The following ZDHHC21 variants were observed in gnomAD, a reference collection of about 807,000 sequenced individuals.
ZDHHC21 encodes the protein zDHHC palmitoyltransferase 21, also known as palmitoyltransferase ZDHHC21.
In ZDHHC21, 15 loss-of-function variants were observed where a neutral mutation model predicts 34.6. That is an observed-to-expected ratio of 0.43 (90% CI 0.29 to 0.67). The LOEUF is 0.67. ZDHHC21 is among the 30% of genes least tolerant of loss of function. The pLI, the probability that ZDHHC21 is intolerant of heterozygous loss-of-function variation, is 0.14. For missense variants in ZDHHC21, 344 were observed against 327.7 expected, an observed-to-expected ratio of 1.05 and a Z score of -0.38; for synonymous variants, 142 against 101.8, an observed-to-expected ratio of 1.40 and a Z score of -2.38.
rs936436345 is a variant in ZDHHC21, at chr9:14,674,995, T to G, written c.-45-610A>C. On this transcript the variant is annotated intron_variant, in intron 3 of 9. Coordinates refer to ENST00000380916, the MANE Select transcript of ZDHHC21 (RefSeq NM_178566.6). The stretch of plus-strand genomic sequence containing the variant: ...ACTCTAGTTTAATTTTAAACTACAA[T>G]AAAACATTTTTTAAGTATTTTGAAA... 3.3e-5 allele frequency among the ~76,000 whole-genome samples: 5 copies of G among 151,978 alleles called. No homozygotes were observed. The East Asian group carries it at 9.6e-4, about 29-fold the overall frequency.
At chr9:14,593,485 T>A in the ZDHHC21 span, 1 of 152,222 alleles carries the variant, frequency 6.6e-6, no homozygotes, top group Non-Finnish European at 1.5e-5. Flanking sequence ...CTCCACCCTG[T>A]GCTGGCCAGA....
chr9:14,690,071 T>C (rs1219619579), intron 2 of ZDHHC21, among the ~76,000 whole-genome samples: 16 of 152,150 alleles, frequency 1.1e-4, no homozygotes, highest in African/African-American at 2.4e-5. Context: ...AAGGTAACTT[T>C]TGTTCCAAAA....
At chr9:14,670,754 A>G (rs1336512350) in intron 5 of ZDHHC21, among the ~76,000 whole-genome samples, 1 of 152,132 alleles carries the variant, frequency 6.6e-6, no homozygotes, top group Non-Finnish European at 1.5e-5. Flanking sequence ...GAACACATAC[A>G]TATCTATATG....
At chr9:14,591,182 A>G in the ZDHHC21 span, among the ~76,000 whole-genome samples, 1 of 152,188 alleles carries the variant, frequency 6.6e-6, no homozygotes, top group Admixed American at 6.5e-5. Flanking sequence ...GGAAAAGGGA[A>G]CAAAGAACAG....
Position 14,613,806 on chromosome 9 carries a change from A to C in ZDHHC21, c.*5160T>G, listed in dbSNP as rs186438782. The stretch of plus-strand genomic sequence containing the variant: ...CTCAGTATCTTTTCTTTGCAATAAG[A>C]GATTTCCAGAAAAGGTGCCAGTTTT... On this transcript the variant is annotated 3_prime_UTR_variant, in exon 10 of 10. Transcript: ENST00000380916. 6.6e-6 allele frequency: 1 copy of C among 151,894 alleles called. No homozygotes were observed. The highest frequency in any genetic ancestry group is 1.9e-4 in the East Asian group (1 of 5,180). The allele number at this position is 151,894 out of a possible 1,614,324, so 9.4% of individuals were successfully genotyped here.
chr9:14,652,759 T>C (rs1831447365), intron 7 of ZDHHC21, among the ~76,000 whole-genome samples: 1 of 151,970 alleles, frequency 6.6e-6, no homozygotes. Flanking sequence ...TGAATACAGG[T>C]TAAGTGCCAT....
At position 14,613,900 on chromosome 9, in the gene ZDHHC21, A is replaced by G. The variant is rs1283714682; in HGVS notation, c.*5066T>C. 6.6e-6 allele frequency: 1 copy of G among 151,748 alleles called. No individual in the cohort carries two copies. Among genetic ancestry groups the G allele is most frequent in the East Asian group, 1.9e-4 (1 of 5,188 alleles). The allele number at this position is 151,748 out of a possible 1,614,324, so 9.4% of individuals were successfully genotyped here. On this transcript the variant is annotated 3_prime_UTR_variant, in exon 10 of 10. Transcript: ENST00000380916. The stretch of plus-strand genomic sequence containing the variant: ...AGCTGAGTTTTCCACATTATTTTTA[A>G]CACTTCACATGATCATACTCTACAC...
chr9:14,599,635 C>A, the ZDHHC21 span, among the ~76,000 whole-genome samples: 1 of 151,886 alleles, frequency 6.6e-6, no homozygotes, highest in South Asian at 2.1e-4. Context: ...GGGGCTGAAG[C>A]CAGGGTGCCA....
chr9:14,683,187 A>C (rs1201783679), intron 2 of ZDHHC21, among the ~76,000 whole-genome samples: 1 of 152,094 alleles, frequency 6.6e-6, no homozygotes, highest in Non-Finnish European at 1.5e-5. Context: ...ACTAAGATCA[A>C]AGCAGAACTG....
At chr9:14,643,851 C>G (rs1478318639) in intron 7 of ZDHHC21, among the ~76,000 whole-genome samples, 1 of 152,136 alleles carries the variant, frequency 6.6e-6, no homozygotes. Flanking sequence ...TACTCTTGTT[C>G]CCTTGGTTTG....
chr9:14,630,305 A>G (rs1280054997), intron 8 of ZDHHC21, among the ~76,000 whole-genome samples: 2 of 152,138 alleles, frequency 1.3e-5, no homozygotes, highest in Non-Finnish European at 2.9e-5. Flanking sequence ...ATCTCAAAAC[A>G]CCACTTTTTG....
At chr9:14,669,999 T>C (rs1345460069) in intron 5 of ZDHHC21, among the ~76,000 whole-genome samples, 1 of 148,660 alleles carries the variant, frequency 6.7e-6, no homozygotes, top group Non-Finnish European at 1.5e-5. Flanking sequence ...AAACTTAAAG[T>C]ATAATAAAAA....
intron 2 of ZDHHC21, among the ~76,000 whole-genome samples, chr9:14,684,881 C>T (rs997065664): frequency 3.3e-5 from 5 of 152,066 alleles, no homozygotes; most frequent in Non-Finnish European, 7.3e-5. Flanking sequence ...CAGAACAGAG[C>T]CCCCAGAAAT....
intron 2 of ZDHHC21, among the ~76,000 whole-genome samples, chr9:14,684,690 T>G (rs1837993740): frequency 6.6e-6 from 1 of 151,738 alleles, no homozygotes; most frequent in African/African-American, 2.4e-5. Context: ...TTCACAGAAT[T>G]GGAAAAAACT....
chr9:14,633,537 C>T (rs916238162), intron 8 of ZDHHC21, among the ~76,000 whole-genome samples: 3 of 152,066 alleles, frequency 2.0e-5, no homozygotes, highest in African/African-American at 7.2e-5. Flanking sequence ...AGGAAGGCAC[C>T]ATATTAAGAG....
intron 7 of ZDHHC21, among the ~76,000 whole-genome samples, chr9:14,651,463 T>A (rs1437276193): frequency 2.0e-5 from 3 of 151,852 alleles, no homozygotes; most frequent in Admixed American, 1.3e-4. Context: ...GGCAAGTTTG[T>A]GATTGGACAA....
Position 14,619,073 on chromosome 9 carries a change from G to A in ZDHHC21, c.691C>T (p.Gln231Ter). 6.2e-7 allele frequency: 1 copy of A among 1,611,086 alleles called. No homozygotes were observed. The highest frequency in any genetic ancestry group is 8.5e-7 in the Non-Finnish European group (1 of 1,178,622). The change falls in exon 10 of 10, where the codon CAG becomes TAG. Residue 231 changes from glutamine (Q) to a stop codon, truncating the protein, a stop_gained. Coordinates refer to ENST00000380916, the MANE Select transcript of ZDHHC21 (RefSeq NM_178566.6). LOFTEE classifies it high-confidence loss of function. ...DISRPRKPWQ[Q>*]TFSEVFGTRW... ...GTGCCAAAAACTTCTGAGAAGGTCT[G>A]CTGCCATGGCTTTCGGGGCCTCGAT... is the stretch of plus-strand genomic sequence containing the variant.
intron 7 of ZDHHC21, among the ~76,000 whole-genome samples, chr9:14,640,280 C>T (rs1325299402): frequency 2.2e-5 from 3 of 136,870 alleles, no homozygotes; most frequent in Non-Finnish European, 4.6e-5. Context: ...GCAAGTTAGC[C>T]TTGTTTGTTT....
rs967963651 is a variant in ZDHHC21, at chr9:14,617,515, T to C, written c.*1451A>G. Reference sequence around the variant, plus strand: ...AGGTATTGTTCCTTACTTTCAAAACTAGCTAAAAGGAAAATGTTAGCATGG... The same window carrying C: ...AGGTATTGTTCCTTACTTTCAAAACCAGCTAAAAGGAAAATGTTAGCATGG... On this transcript the variant is annotated 3_prime_UTR_variant, in exon 10 of 10. Coordinates refer to ENST00000380916, the MANE Select transcript of ZDHHC21 (RefSeq NM_178566.6). The C allele has an allele frequency of 6.6e-6, 1 of 151,988 alleles. No individual in the cohort carries two copies. The highest frequency in any genetic ancestry group is 1.5e-5 in the Non-Finnish European group (1 of 67,922). 9.4% of individuals were successfully genotyped at this position (151,988 alleles called of 1,614,324 possible). A position where few individuals can be genotyped will look rare whatever the true frequency, so the allele number is the denominator to read the frequency against.
Sources: allele counts gnomAD v4.1 joint callset (sites outside exome capture counted in the v4.1 genomes callset), GRCh38; gene constraint gnomAD v4.1.1; transcripts MANE v1.5; gene names NCBI Gene and HGNC (gene_info 2026-07-23, HGNC 2026-07-21).